The following SLFN12 variants were observed in gnomAD, a reference collection of about 807,000 sequenced individuals.
SLFN12 encodes the protein schlafen family member 12, also known as ribonuclease SLFN12.
SLFN12 carries 25 observed loss-of-function variants against 29.1 expected under a neutral mutation model. That is an observed-to-expected ratio of 0.86 (90% CI 0.63 to 1.20). The LOEUF (loss-of-function observed/expected upper bound fraction) is 1.20, where lower values mean the gene tolerates loss of function less well. SLFN12 is among the 50% of genes most tolerant of loss of function. The probability of loss-of-function intolerance (pLI) is 0.00; values close to 1 mark genes in which losing one functional copy is unlikely to be tolerated. For synonymous variants in SLFN12, 257 were observed against 238.7 expected, an observed-to-expected ratio of 1.08 and a Z score of -0.71; for missense variants, 660 against 666.2, an observed-to-expected ratio of 0.99 and a Z score of 0.10.
intron 3 of SLFN12, among the ~76,000 whole-genome samples, chr17:35,414,960 T>G (rs1222496197): frequency 6.6e-6 from 1 of 151,982 alleles, no homozygotes; most frequent in Non-Finnish European, 1.5e-5. Flanking sequence ...TCTACATCAA[T>G]GCAATTCCCA....
At position 35,422,084 on chromosome 17, in the gene SLFN12, A is replaced by G; in HGVS notation, c.945T>C (p.Phe315=). The part of the protein sequence containing the change: ...LRVERFCCAV[F]AKEPDSWHVK... ...CATGCCAGGAATCAGGCTCTTTAGCAAACACTGCACAGCAGAAGCGCTCCA... is the reference window on the plus strand; with the variant it reads ...CATGCCAGGAATCAGGCTCTTTAGCGAACACTGCACAGCAGAAGCGCTCCA... The change falls in exon 2 of 4, where the codon TTT becomes TTC. Residue 315 remains phenylalanine (F), a synonymous_variant. Transcript: ENST00000304905. 6.2e-7 allele frequency: 1 copy of G among 1,614,128 alleles called. No individual in the cohort carries two copies. The highest frequency in any genetic ancestry group is 1.3e-5 in the African/African-American group (1 of 75,066).
chr17:35,418,318 A>G (rs1461131772), intron 3 of SLFN12, among the ~76,000 whole-genome samples: 2 of 152,132 alleles, frequency 1.3e-5, no homozygotes, highest in South Asian at 2.1e-4. Context: ...TTTGAATTGC[A>G]TGGGTCCACT....
intron 3 of SLFN12, among the ~76,000 whole-genome samples, chr17:35,415,102 G>A (rs1911240325): frequency 6.6e-6 from 1 of 152,042 alleles, no homozygotes; most frequent in African/African-American, 2.4e-5. Context: ...CACATTACCT[G>A]ACTTCAAATT....
intron 3 of SLFN12, among the ~76,000 whole-genome samples, chr17:35,412,866 T>C (rs1033484435): frequency 2.0e-5 from 3 of 151,956 alleles, no homozygotes; most frequent in Non-Finnish European, 2.9e-5. Context: ...GATGAAAAGA[T>C]GAAGATGTCC....
intron 2 of SLFN12, 61 bp from the exon 3 acceptor site, chr17:35,420,442 C>T (rs1274953928): frequency 2.5e-5 from 25 of 1,011,666 alleles, no homozygotes; most frequent in Non-Finnish European, 3.1e-5. Context: ...CTAACTAATG[C>T]ATAGTATTAT....
Position 35,432,221 on chromosome 17 carries a change from G to A in SLFN12, c.-74C>T, listed in dbSNP as rs1056088827. 6.6e-6 allele frequency: 1 copy of A among 152,220 alleles called. No homozygotes were observed. The highest frequency in any genetic ancestry group is 1.5e-5 in the Non-Finnish European group (1 of 68,054). The allele number at this position is 152,220 out of a possible 1,614,324, so 9.4% of individuals were successfully genotyped here. ...TGGCTTGCCAAAATATGTTACCAGT[G>A]AAGAGTGTCCAGGTTCTTGGCGTGT... On this transcript the variant is annotated 5_prime_UTR_variant, in exon 1 of 4. Coordinates refer to ENST00000304905, the MANE Select transcript of SLFN12 (RefSeq NM_018042.5).
At chr17:35,432,829 C>T (rs1019774554), upstream of SLFN12, 2 of 152,020 alleles carry the variant, frequency 1.3e-5, no homozygotes, top group African/African-American at 4.8e-5. Flanking sequence ...TGCCCCACCT[C>T]CTCCCGAGCC....
chr17:35,416,773 G>A (rs1911340876), intron 3 of SLFN12, among the ~76,000 whole-genome samples: 1 of 152,052 alleles, frequency 6.6e-6, no homozygotes, highest in Non-Finnish European at 1.5e-5. Flanking sequence ...CCAGAAATAT[G>A]TCAGGCACAG....
intron 3 of SLFN12, among the ~76,000 whole-genome samples, chr17:35,417,301 T>A (rs977846621): frequency 6.6e-6 from 1 of 152,138 alleles, no homozygotes; most frequent in Non-Finnish European, 1.5e-5. Context: ...CATTTAATCA[T>A]GTCAACAGGA....
At chr17:35,426,140 G>GTT (rs149680172) in intron 1 of SLFN12, among the ~76,000 whole-genome samples, 1,738 of 148,624 alleles carry the variant, frequency 0.012, 30 homozygotes, top group African/African-American at 0.039. Flanking sequence ...TTTTTAATCT[G>GTT]TTTTTTTTTC....
In SLFN12 at chr17:35,421,609, C is replaced by T. The variant is rs557864719; in HGVS notation, c.1039+381G>A. Among the ~76,000 whole-genome samples, 211 of 146,022 alleles carry T rather than the reference C, an allele frequency of 1.4e-3. 1 individual carries two copies. Among genetic ancestry groups the T allele is most frequent in the African/African-American group, 5.1e-3 (197 of 38,436 alleles). ...GGCTGGAGTGCAGTGGCGCAATCTCCGCCCACTGCAACCTCCGCCACCTGG... is the reference window on the plus strand; with the variant it reads ...GGCTGGAGTGCAGTGGCGCAATCTCTGCCCACTGCAACCTCCGCCACCTGG... On this transcript the variant is annotated intron_variant, in intron 2 of 3. Transcript: ENST00000304905.
chr17:35,420,127 A>C, intron 3 of SLFN12, 147 bp downstream of exon 3: 2 of 609,614 alleles, frequency 3.3e-6, no homozygotes, highest in Non-Finnish European at 5.8e-6. Flanking sequence ...ATAGGATTTG[A>C]CAGATTCAAT....
intron 2 of SLFN12, 23 bp downstream of exon 2, chr17:35,421,967 G>A (rs758593515): frequency 4.4e-6 from 7 of 1,604,368 alleles, no homozygotes; most frequent in Non-Finnish European, 6.0e-6. Flanking sequence ...ATGCATTCCT[G>A]TTGCGAATCC....
intron 1 of SLFN12, among the ~76,000 whole-genome samples, chr17:35,424,158 A>G (rs1030157505): frequency 1.3e-5 from 2 of 152,184 alleles, no homozygotes; most frequent in Non-Finnish European, 2.9e-5. Flanking sequence ...AAGAAGTGTA[A>G]CTTAAGTTTA....
chr17:35,420,488 C>G, intron 2 of SLFN12, 107 bp from the exon 3 acceptor site: 2 of 667,316 alleles, frequency 3.0e-6, no homozygotes, highest in Middle Eastern at 8.0e-4. Flanking sequence ...TTCTGTTTTC[C>G]AAAAAAAAAT....
At chr17:35,413,553 A>G (rs1364228452) in intron 3 of SLFN12, among the ~76,000 whole-genome samples, 1 of 151,864 alleles carries the variant, frequency 6.6e-6, no homozygotes, top group African/African-American at 2.4e-5. Flanking sequence ...TGCAAGACCA[A>G]CCTGGCCAAC....
rs556277066 is a variant in SLFN12 at position 35,414,643 on chromosome 17, T to C, written c.1148-2716A>G. Among the ~76,000 whole-genome samples, 225 of 152,122 alleles carry C rather than the reference T, an allele frequency of 1.5e-3. 1 individual carries two copies. Among genetic ancestry groups the C allele is most frequent in the Admixed American group, 2.3e-3 (35 of 15,300 alleles). On this transcript the variant is annotated intron_variant, in intron 3 of 3. Coordinates refer to ENST00000304905, the MANE Select transcript of SLFN12 (RefSeq NM_018042.5). ...CCTAAAGACTCATCCAAAAAGCTTC[T>C]AGATTTGATAAATGAATTCCATTAA...
intron 1 of SLFN12, among the ~76,000 whole-genome samples, chr17:35,425,712 A>G (rs576625649): frequency 3.3e-5 from 5 of 152,054 alleles, no homozygotes; most frequent in Admixed American, 6.5e-5. Flanking sequence ...CCTATTGTGA[A>G]TAATGCTGCA....
At chr17:35,412,339 C>G (rs1041951092) in intron 3 of SLFN12, among the ~76,000 whole-genome samples, 10 of 152,108 alleles carry the variant, frequency 6.6e-5, no homozygotes, top group Non-Finnish European at 1.5e-4. Context: ...TTTCCCTCAA[C>G]TCATTGGCTA....
Sources: gnomAD v4.1 joint callset for allele counts (sites outside exome capture counted in the v4.1 genomes callset) on GRCh38, gnomAD v4.1.1 for gene constraint, MANE v1.5 for transcripts, NCBI Gene and HGNC (gene_info 2026-07-23, HGNC 2026-07-21) for gene names.